ATXN2L: variants seen among roughly 807,000 people sequenced by gnomAD.
ATXN2L encodes the protein ataxin 2 like.
ATXN2L carries 24 observed loss-of-function variants against 120.7 expected under a neutral mutation model. The ratio of observed to expected loss-of-function variants is 0.20; its 90% CI spans 0.14 to 0.28. The LOEUF (loss-of-function observed/expected upper bound fraction) is 0.28. Ranked by LOEUF, ATXN2L falls within the 10% of genes least tolerant of loss-of-function variation. The probability of loss-of-function intolerance (pLI) is 1.00; values close to 1 mark genes in which losing one functional copy is unlikely to be tolerated. For synonymous variants in ATXN2L, 653 were observed against 568.1 expected (o/e 1.15, Z -2.13); for missense variants, 1,312 against 1,432.3 (o/e 0.92, Z 1.36).
chr16:28,835,194 C>T lies in ATXN2L; in HGVS notation c.2563+7C>T, dbSNP rs770649850. The T allele has an allele frequency of 2.5e-6, 4 of 1,609,092 alleles. No individual in the cohort carries two copies. Among genetic ancestry groups the T allele is most frequent in the Admixed American group, 1.7e-5 (1 of 59,652 alleles). ...ACCCCCCAAGCCCTTTATGGTGAGT[C>T]CTGCGCCTGGTCCCTCTGCTCTGGG... is the stretch of plus-strand genomic sequence containing the variant. On this transcript the variant is annotated splice_region_variant and intron_variant, in intron 19 of 21. Coordinates refer to ENST00000336783, the MANE Select transcript of ATXN2L (RefSeq NM_007245.4).
Position 28,837,044 on chromosome 16 carries a change from CG to C in ATXN2L, c.*781del, listed in dbSNP as rs1961236512. ...CTCTCATCTATTCCCCCGCTGGAGACGGAAGATCTTTTATTTTCTATTATTT... is the reference window on the plus strand; with the variant it reads ...CTCTCATCTATTCCCCCGCTGGAGACGAAGATCTTTTATTTTCTATTATTT... On this transcript the variant is annotated 3_prime_UTR_variant, in exon 22 of 22. Transcript: ENST00000336783. 1 of 649,382 alleles carries C rather than the reference CG, an allele frequency of 1.5e-6. No homozygotes were observed. Among genetic ancestry groups the C allele is most frequent in the Admixed American group, 2.1e-5 (1 of 47,462 alleles). 40.2% of individuals were successfully genotyped at this position (649,382 alleles called of 1,614,324 possible).
intron 1 of ATXN2L, chr16:28,824,691 GCTGCA>G: frequency 3.6e-6 from 3 of 822,758 alleles, no homozygotes; most frequent in Non-Finnish European, 4.8e-6. Flanking sequence ...TAGTTCCAAA[GCTGCA>G]CTCCTGGAGC....
At chr16:28,834,807 G>C (rs1423788393) in intron 18 of ATXN2L, 114 bp downstream of exon 18, 2 of 1,312,416 alleles carry the variant, frequency 1.5e-6, no homozygotes, top group Non-Finnish European at 2.1e-6. Context: ...GGTGGGATCG[G>C]CCCTCTGTGG....
rs776842420 is a variant in ATXN2L at position 28,836,356 on chromosome 16, G to A, written c.*91G>A. On this transcript the variant is annotated 3_prime_UTR_variant, in exon 22 of 22. Coordinates refer to ENST00000336783, the MANE Select transcript of ATXN2L (RefSeq NM_007245.4). ...AGGGTGGGCAGAAGCCACAGTCGCCGCCGCCAGGGGCTTGCTCCTGGCTCT... is the reference window on the plus strand; with the variant it reads ...AGGGTGGGCAGAAGCCACAGTCGCCACCGCCAGGGGCTTGCTCCTGGCTCT... 8.1e-6 allele frequency: 13 copies of A among 1,613,270 alleles called. No individual in the cohort carries two copies. The highest frequency in any genetic ancestry group is 1.3e-5 in the African/African-American group (1 of 74,866).
At chr16:28,832,058 T>C in intron 10 of ATXN2L, 147 bp from the exon 11 acceptor site, 1 of 787,276 alleles carries the variant, frequency 1.3e-6, no homozygotes, top group Non-Finnish European at 2.0e-6. Flanking sequence ...TTTACCTGCT[T>C]GTGTTACCTG....
chr16:28,828,518 C>T (rs866600125), intron 6 of ATXN2L, among the ~76,000 whole-genome samples: 2 of 150,576 alleles, frequency 1.3e-5, no homozygotes, highest in East Asian at 2.0e-4. Context: ...CCCAAGGAGA[C>T]GGAGGTTGCG....
chr16:28,835,631 C>A lies in ATXN2L; in HGVS notation c.2768C>A (p.Pro923Gln). The change falls in exon 21 of 22, where the codon CCG (proline) becomes CAG (glutamine). Residue 923 changes from proline (P) to glutamine (Q), a missense_variant. Pro to Gln is a moderately conservative substitution (Grantham distance 76). Coordinates refer to ENST00000336783, the MANE Select transcript of ATXN2L (RefSeq NM_007245.4). ...CACCCAGGGGCCCTGACAGGCACGC[C>A]GCCCTCTCTGCCACCGGGACCTTCT... ...LYHPGALTGT[P>Q]PSLPPGPSAQ... 1 of 1,614,030 alleles carries A rather than the reference C, an allele frequency of 6.2e-7. No individual in the cohort carries two copies. Among genetic ancestry groups the A allele is most frequent in the Non-Finnish European group, 8.5e-7 (1 of 1,179,976 alleles).
Position 28,826,993 on chromosome 16 carries a change from C to T in ATXN2L, c.741+7C>T, listed in dbSNP as rs1407128202. On this transcript the variant is annotated splice_region_variant and intron_variant, in intron 6 of 21. Coordinates refer to ENST00000336783, the MANE Select transcript of ATXN2L (RefSeq NM_007245.4). ...TGACCTCGAGTCTGACATGGTATAG[C>T]CTCCTTCCCTGAGAACTTGGGAGCT... The T allele has an allele frequency of 2.9e-5, 43 of 1,467,118 alleles. No individual in the cohort carries two copies. The highest frequency in any genetic ancestry group is 3.6e-5 in the Non-Finnish European group (40 of 1,096,124). The allele number at this position is 1,467,118 out of a possible 1,614,324, so 90.9% of individuals were successfully genotyped here.
At position 28,836,711 on chromosome 16, in the gene ATXN2L, CT is replaced by C; in HGVS notation, c.*449del. 1 of 1,614,020 alleles carries C rather than the reference CT, an allele frequency of 6.2e-7. No homozygotes were observed. Among genetic ancestry groups the C allele is most frequent in the East Asian group, 2.2e-5 (1 of 44,862 alleles). Reference sequence around the variant, plus strand: ...GGTTCTAATGCTCCTGCTCTCTTCTCTTTCCCCTCCAACCAGTTCAATCTCA... The same window carrying C: ...GGTTCTAATGCTCCTGCTCTCTTCTCTTCCCCTCCAACCAGTTCAATCTCA... On this transcript the variant is annotated 3_prime_UTR_variant, in exon 22 of 22. Coordinates refer to ENST00000336783, the MANE Select transcript of ATXN2L (RefSeq NM_007245.4).
intron 16 of ATXN2L, 51 bp downstream of exon 16, chr16:28,834,262 G>C: frequency 6.2e-7 from 1 of 1,610,498 alleles, no homozygotes. Flanking sequence ...GGATTTGGTT[G>C]CGCTGGTTGA....
At chr16:28,827,541 C>T (rs1194424804) in intron 6 of ATXN2L, among the ~76,000 whole-genome samples, 1 of 151,920 alleles carries the variant, frequency 6.6e-6, no homozygotes, top group African/African-American at 2.4e-5. Context: ...TGTGTAGGCC[C>T]ATTTCTCTTC....
At chr16:28,824,988 C>T (rs1199244161) in intron 1 of ATXN2L, among the ~76,000 whole-genome samples, 9 of 151,838 alleles carry the variant, frequency 5.9e-5, no homozygotes, top group Admixed American at 5.9e-4. Flanking sequence ...GTGGGAGGAT[C>T]CCTTGAGCCC....
rs2152082704 is a variant in ATXN2L at position 28,833,126 on chromosome 16, C to T, written c.1727C>T (p.Pro576Leu). The change falls in exon 14 of 22, where the codon CCC becomes CTC. Residue 576 changes from proline to leucine, a missense_variant. Pro to Leu is a moderately conservative substitution (Grantham distance 98). Coordinates refer to ENST00000336783, the MANE Select transcript of ATXN2L (RefSeq NM_007245.4). ...CCTCCCCGGATCTTAAAGGAGGAGC[C>T]CAAAGGAAAGGAGAAAGAGGTTGAT... ...PFPPRILKEE[P>L]KGKEKEVDGL... 8 of 1,614,124 alleles carry T rather than the reference C, an allele frequency of 5.0e-6. No homozygotes were observed. Among genetic ancestry groups the T allele is most frequent in the Non-Finnish European group, 5.9e-6 (7 of 1,180,002 alleles).
At chr16:28,826,704 G>T in intron 5 of ATXN2L, 158 bp from the exon 6 acceptor site, 1 of 836,912 alleles carries the variant, frequency 1.2e-6, no homozygotes, top group Non-Finnish European at 1.7e-6. Flanking sequence ...TTCTTCTCTT[G>T]CCTCCCCACC....
chr16:28,825,727 C>T lies in ATXN2L; in HGVS notation c.394-43C>T, dbSNP rs755160034. 25 of 1,612,856 alleles carry T rather than the reference C, an allele frequency of 1.6e-5. No individual in the cohort carries two copies. In the Admixed American group the frequency reaches 4.0e-4, roughly 26 times the overall value. ...GGGTTGTTTAAGGAACGTAATGCAT[C>T]TACTTTCTGGAGACACTCTTCTTAT... On this transcript the variant is annotated intron_variant, in intron 3 of 21. Coordinates refer to ENST00000336783, the MANE Select transcript of ATXN2L (RefSeq NM_007245.4).
intron 8 of ATXN2L, 47 bp downstream of exon 8, chr16:28,830,105 C>T (rs1375726232): frequency 1.3e-6 from 2 of 1,543,476 alleles, no homozygotes; most frequent in Non-Finnish European, 8.8e-7. Context: ...CTGGGAATAT[C>T]CTGGGGCCTG....
rs759654860 is a variant in ATXN2L at position 28,836,711 on chromosome 16, C to CT, written c.*449dup. The CT allele has an allele frequency of 5.1e-5, 83 of 1,613,902 alleles. No homozygotes were observed. Among genetic ancestry groups the CT allele is most frequent in the Non-Finnish European group, 6.3e-5 (74 of 1,179,988 alleles). ...GGTTCTAATGCTCCTGCTCTCTTCT[C>CT]TTTCCCCTCCAACCAGTTCAATCTC... On this transcript the variant is annotated 3_prime_UTR_variant, in exon 22 of 22. Coordinates refer to ENST00000336783, the MANE Select transcript of ATXN2L (RefSeq NM_007245.4).
intron 1 of ATXN2L, chr16:28,823,761 C>A (rs978044606): frequency 6.3e-6 from 3 of 476,996 alleles, no homozygotes; most frequent in African/African-American, 6.1e-5. Context: ...TGAGGGGCCG[C>A]GCTCGGCTCT....
chr16:28,835,020 G>A (rs373451518), intron 18 of ATXN2L, 38 bp from the exon 19 acceptor site: 2 of 1,588,510 alleles, frequency 1.3e-6, no homozygotes, highest in African/African-American at 2.7e-5. Context: ...CTTCCCAGCT[G>A]GCGGCTGTGC....
Sources: allele counts gnomAD v4.1 joint callset (sites outside exome capture counted in the v4.1 genomes callset), GRCh38; gene constraint gnomAD v4.1.1; transcripts MANE v1.5; gene names NCBI Gene and HGNC (gene_info 2026-07-23, HGNC 2026-07-21).